The following SNTB1 variants were observed in gnomAD, a reference collection of about 807,000 sequenced individuals.
The protein encoded by SNTB1 is beta-1-syntrophin.
Under a neutral mutation model 48.9 loss-of-function variants are expected in SNTB1, and 36 were observed. That is an observed-to-expected ratio of 0.74 (90% CI 0.56 to 0.97). The LOEUF (loss-of-function observed/expected upper bound fraction) is 0.97. Among genes scored for constraint, SNTB1 ranks in the 50% least tolerant of loss-of-function variants. The pLI is 0.00. For synonymous variants in SNTB1, 299 were observed against 294.6 expected (o/e 1.01, Z -0.15); for missense variants, 786 against 703.4 (o/e 1.12, Z -1.33).
intron 2 of SNTB1, among the ~76,000 whole-genome samples, chr8:120,644,423 TGTTCTTGC>T (rs1331780396): frequency 6.6e-6 from 1 of 151,266 alleles, no homozygotes; most frequent in Admixed American, 6.6e-5. Flanking sequence ...TTTGGTTTTT[TGTTCTTGC>T]GATAGTTTAC....
At chr8:120,545,151 G>A (rs1294736059) in intron 5 of SNTB1, among the ~76,000 whole-genome samples, 5 of 151,984 alleles carry the variant, frequency 3.3e-5, no homozygotes, top group African/African-American at 4.8e-5. Context: ...TGAGACCAGC[G>A]TGACCAACAC....
intron 2 of SNTB1, among the ~76,000 whole-genome samples, chr8:120,671,999 G>T (rs1817766037): frequency 6.6e-6 from 1 of 152,312 alleles, no homozygotes; most frequent in East Asian, 1.9e-4. Context: ...GCATTCAGTA[G>T]AAACTGTACT....
At chr8:120,598,715 A>C (rs1457578178) in intron 3 of SNTB1, among the ~76,000 whole-genome samples, 1 of 152,172 alleles carries the variant, frequency 6.6e-6, no homozygotes, top group Admixed American at 6.5e-5. Flanking sequence ...AATTCGAATT[A>C]ATGGGGGAAA....
At chr8:120,584,857 G>T (rs1380328779) in intron 3 of SNTB1, among the ~76,000 whole-genome samples, 1 of 152,152 alleles carries the variant, frequency 6.6e-6, no homozygotes, top group East Asian at 1.9e-4. Flanking sequence ...CAGGGAGGAG[G>T]CCACGTGAGC....
chr8:120,669,948 T>G (rs1817732371), intron 2 of SNTB1, among the ~76,000 whole-genome samples: 1 of 152,218 alleles, frequency 6.6e-6, no homozygotes, highest in Admixed American at 6.5e-5. Context: ...CTCATTTTGA[T>G]GCTAAGTCAC....
chr8:120,669,521 C>A (rs1817725850), intron 2 of SNTB1, among the ~76,000 whole-genome samples: 2 of 36,618 alleles, frequency 5.5e-5, no homozygotes, highest in Non-Finnish European at 4.4e-5. Flanking sequence ...GGCGCAATCT[C>A]GGCTCACTGC....
chr8:120,548,661 T>C, intron 5 of SNTB1, 101 bp downstream of exon 5: 1 of 997,808 alleles, frequency 1.0e-6, no homozygotes, highest in Non-Finnish European at 1.5e-6. Context: ...ATTTTAACTA[T>C]CCCCAGAGGC....
At chr8:120,561,861 A>G (rs918147551) in intron 4 of SNTB1, among the ~76,000 whole-genome samples, 1 of 152,202 alleles carries the variant, frequency 6.6e-6, no homozygotes, top group African/African-American at 2.4e-5. Flanking sequence ...GGAGCCTATC[A>G]AGTTTCTCTA....
intron 3 of SNTB1, among the ~76,000 whole-genome samples, chr8:120,632,226 C>T (rs1208539249): frequency 6.6e-6 from 1 of 152,148 alleles, no homozygotes; most frequent in African/African-American, 2.4e-5. Context: ...GGACCCCGTG[C>T]AATTTGCCAC....
At chr8:120,682,080 G>A (rs1240018908) in intron 2 of SNTB1, among the ~76,000 whole-genome samples, 1 of 151,652 alleles carries the variant, frequency 6.6e-6, no homozygotes, top group Non-Finnish European at 1.5e-5. Context: ...ATATATTCAT[G>A]AGAAGGATTA....
At chr8:120,786,644 G>T (rs962954811) in intron 1 of SNTB1, among the ~76,000 whole-genome samples, 7 of 152,194 alleles carry the variant, frequency 4.6e-5, no homozygotes, top group African/African-American at 1.4e-4. Flanking sequence ...TCCTACAGAT[G>T]AAAAGAGGTA....
intron 1 of SNTB1, among the ~76,000 whole-genome samples, chr8:120,758,867 G>C (rs1027565729): frequency 6.6e-6 from 1 of 152,122 alleles, no homozygotes; most frequent in African/African-American, 2.4e-5. Flanking sequence ...ATATTTCCTT[G>C]TTGTCTGCAT....
intron 1 of SNTB1, among the ~76,000 whole-genome samples, chr8:120,805,398 G>A (rs979540138): frequency 6.6e-6 from 1 of 152,122 alleles, no homozygotes; most frequent in African/African-American, 2.4e-5. Flanking sequence ...GTAATCACAA[G>A]GGTCCTTAAA....
intron 2 of SNTB1, among the ~76,000 whole-genome samples, chr8:120,649,157 T>A (rs1817358680): frequency 6.6e-6 from 1 of 150,866 alleles, no homozygotes; most frequent in Non-Finnish European, 1.5e-5. Context: ...GAAGCCTTCT[T>A]CTCTCAGCTC....
At chr8:120,809,606 C>T (rs1041333661) in intron 1 of SNTB1, among the ~76,000 whole-genome samples, 10 of 152,050 alleles carry the variant, frequency 6.6e-5, no homozygotes, top group Admixed American at 4.6e-4. Flanking sequence ...ACCCGCCTTC[C>T]GCCCCACCCC....
chr8:120,694,464 C>T (rs892065164), intron 1 of SNTB1, among the ~76,000 whole-genome samples: 3 of 151,648 alleles, frequency 2.0e-5, no homozygotes, highest in Admixed American at 6.6e-5. Flanking sequence ...AAAGTAGAAA[C>T]AATGTAAATA....
At chr8:120,573,591 A>G (rs1815893303) in intron 4 of SNTB1, among the ~76,000 whole-genome samples, 1 of 152,112 alleles carries the variant, frequency 6.6e-6, no homozygotes, top group African/African-American at 2.4e-5. Context: ...TATAGGTGTC[A>G]TATACAATAA....
intron 3 of SNTB1, among the ~76,000 whole-genome samples, chr8:120,608,914 T>G (rs1231235233): frequency 2.0e-5 from 3 of 152,162 alleles, no homozygotes; most frequent in Non-Finnish European, 4.4e-5. Flanking sequence ...ATTAAATGGA[T>G]TTTTAAAAAA....
chr8:120,721,174 C>T (rs1587114002), intron 1 of SNTB1, among the ~76,000 whole-genome samples: 1 of 152,246 alleles, frequency 6.6e-6, no homozygotes, highest in East Asian at 1.9e-4. Context: ...AGGGATTATA[C>T]ACATATTTGG....
Sources: allele counts gnomAD v4.1 joint callset (sites outside exome capture counted in the v4.1 genomes callset), GRCh38; gene constraint gnomAD v4.1.1; transcripts MANE v1.5; gene names NCBI Gene and HGNC (gene_info 2026-07-23, HGNC 2026-07-21).